Variants in NPAS2 observed in about 807,000 individuals in gnomAD.
NPAS2 encodes the protein neuronal PAS domain protein 2, also known as neuronal PAS domain-containing protein 2.
A neutral mutation model predicts 107.5 loss-of-function variants in NPAS2; 23 were observed. The observed-to-expected ratio is 0.21, with a 90% CI of 0.15 to 0.30. NPAS2 has a LOEUF of 0.30. Among genes scored for constraint, NPAS2 ranks in the 10% least tolerant of loss-of-function variants. The pLI, the probability that NPAS2 is intolerant of heterozygous loss-of-function variation, is 1.00. For missense variants in NPAS2, 756 were observed against 1,043.3 expected, an observed-to-expected ratio of 0.72 and a Z score of 3.79; for synonymous variants, 403 against 417.5, an observed-to-expected ratio of 0.97 and a Z score of 0.42.
intron 2 of NPAS2, among the ~76,000 whole-genome samples, chr2:100,924,540 TAA>T: frequency 6.6e-6 from 1 of 152,240 alleles, no homozygotes; most frequent in East Asian, 1.9e-4. Flanking sequence ...CATGTCATTT[TAA>T]AAAGTGTTCG....
chr2:100,900,354 C>T (rs1478043859), intron 1 of NPAS2, among the ~76,000 whole-genome samples: 5 of 152,158 alleles, frequency 3.3e-5, no homozygotes, highest in African/African-American at 1.2e-4. Context: ...CATTAGTCAT[C>T]AGGGAAATGC....
chr2:100,993,389 C>G lies in NPAS2; in HGVS notation c.2154C>G (p.His718Gln). ...SQTVFQNPDAHPANSSSAPMP... is the reference protein window; with the variant it reads ...SQTVFQNPDAQPANSSSAPMP... Reference sequence around the variant, plus strand: ...CCGTGTTTCAAAATCCAGACGCACACCCCGCCAACAGCAGCAGCGCCCCGA... The same window carrying G: ...CCGTGTTTCAAAATCCAGACGCACAGCCCGCCAACAGCAGCAGCGCCCCGA... Residue 718 changes from histidine (H) to glutamine (Q), a missense_variant, in exon 20 of 21, where the codon CAC becomes CAG. Physicochemically the swap from His to Gln is conservative, Grantham distance 24 (BLOSUM62 0). Around this residue, in one of 4 missense-constraint regions of NPAS2, gnomAD observed 496 missense variants for 594.4 expected, o/e 0.83. Coordinates refer to ENST00000335681, the MANE Select transcript of NPAS2 (RefSeq NM_002518.4). 6.2e-7 allele frequency: 1 copy of G among 1,609,664 alleles called. No homozygotes were observed. The highest frequency in any genetic ancestry group is 8.5e-7 in the Non-Finnish European group (1 of 1,176,860).
intron 1 of NPAS2, among the ~76,000 whole-genome samples, chr2:100,892,669 T>G (rs1482874777): frequency 2.0e-5 from 3 of 152,220 alleles, no homozygotes; most frequent in Admixed American, 6.5e-5. Flanking sequence ...TTGCAGGAGC[T>G]GCCGGCTCTC....
intron 1 of NPAS2, among the ~76,000 whole-genome samples, chr2:100,821,412 C>T (rs1457763320): frequency 6.6e-6 from 1 of 151,988 alleles, no homozygotes; most frequent in African/African-American, 2.4e-5. Flanking sequence ...CGTCTTTACG[C>T]GTTGCTTTGG....
intron 1 of NPAS2, among the ~76,000 whole-genome samples, chr2:100,871,176 G>A (rs1367709488): frequency 6.6e-6 from 1 of 152,134 alleles, no homozygotes; most frequent in East Asian, 1.9e-4. Flanking sequence ...TTGGAACACA[G>A]CCACACCCGT....
At chr2:100,876,235 C>T (rs1271646051) in intron 1 of NPAS2, among the ~76,000 whole-genome samples, 1 of 152,220 alleles carries the variant, frequency 6.6e-6, no homozygotes, top group African/African-American at 2.4e-5. Context: ...AGCAACCTTT[C>T]TCCAGGGTGA....
chr2:100,959,426 A>G (rs1675794219), intron 7 of NPAS2, among the ~76,000 whole-genome samples: 1 of 152,232 alleles, frequency 6.6e-6, no homozygotes, highest in Non-Finnish European at 1.5e-5. Flanking sequence ...GCCCCTGCCA[A>G]GAAGTGGGCA....
chr2:100,932,691 T>C (rs1684037463), intron 3 of NPAS2, among the ~76,000 whole-genome samples: 1 of 151,172 alleles, frequency 6.6e-6, no homozygotes, highest in African/African-American at 2.5e-5. Flanking sequence ...ATAGAGAAGG[T>C]GGGGGATGCA....
chr2:100,946,666 G>A (rs1462541602), intron 5 of NPAS2, among the ~76,000 whole-genome samples: 2 of 152,206 alleles, frequency 1.3e-5, no homozygotes, highest in African/African-American at 2.4e-5. Context: ...TCTGTTATGA[G>A]GCTCCTCTGA....
chr2:100,927,142 G>C (rs952280360), intron 3 of NPAS2, among the ~76,000 whole-genome samples: 1 of 151,836 alleles, frequency 6.6e-6, no homozygotes, highest in African/African-American at 2.4e-5. Flanking sequence ...CACCATGTTA[G>C]CCAGGATAGT....
intron 1 of NPAS2, among the ~76,000 whole-genome samples, chr2:100,871,004 G>C (rs1230389130): frequency 6.6e-6 from 1 of 152,142 alleles, no homozygotes; most frequent in African/African-American, 2.4e-5. Context: ...ACGCTGTTCT[G>C]ACAGCCTTCT....
chr2:100,819,464 C>A (rs1008518308), upstream of NPAS2, among the ~76,000 whole-genome samples: 3 of 152,180 alleles, frequency 2.0e-5, no homozygotes, highest in Admixed American at 2.0e-4. The surrounding 1 kb of genome is among the most constrained non-coding windows in gnomAD (Gnocchi z 5.8). Flanking sequence ...TCTTCCCCGA[C>A]CCCCGCCTCC....
Position 100,965,592 on chromosome 2 carries a change from A to G in NPAS2, c.801-68A>G. 2 of 969,014 alleles carry G rather than the reference A, an allele frequency of 2.1e-6. No homozygotes were observed. The highest frequency in any genetic ancestry group is 3.2e-6 in the Non-Finnish European group (2 of 616,670). The allele number at this position is 969,014 out of a possible 1,614,324, so 60.0% of individuals were successfully genotyped here. ...TCCATGTTGATCATTATGGAAAGGC[A>G]TGGCCACCAGGGTGAGCCCTGCAGG... On this transcript the variant is annotated intron_variant, in intron 9 of 20. Coordinates refer to ENST00000335681, the MANE Select transcript of NPAS2 (RefSeq NM_002518.4). This position sits in a 1 kb window ranked among gnomAD's most constrained non-coding sequence, Gnocchi z 4.3.
At chr2:100,979,503 T>TATATATATATATATATATA (rs1491089539) in intron 15 of NPAS2, among the ~76,000 whole-genome samples, 2 of 39,592 alleles carry the variant, frequency 5.1e-5, no homozygotes, top group Admixed American at 3.5e-4. Flanking sequence ...TATATATATA[T>TATATATATATATATATATA]TTTTTTTTTT....
At chr2:100,940,460 C>T (rs531738449) in intron 5 of NPAS2, among the ~76,000 whole-genome samples, 193 of 152,332 alleles carry the variant, frequency 1.3e-3, no homozygotes, top group Admixed American at 3.6e-3. Context: ...GGTTGTCTTT[C>T]CTTTTGCAAT....
intron 2 of NPAS2, among the ~76,000 whole-genome samples, chr2:100,917,505 G>A (rs1682961656): frequency 6.6e-6 from 1 of 152,114 alleles, no homozygotes; most frequent in Non-Finnish European, 1.5e-5. Flanking sequence ...TTCAGCCTGG[G>A]TGACAAGAGC....
intron 1 of NPAS2, among the ~76,000 whole-genome samples, chr2:100,832,989 G>A (rs57365275): frequency 0.044 from 6,702 of 152,218 alleles, 391 homozygotes; most frequent in East Asian, 0.3. Flanking sequence ...GGCGATGTCT[G>A]TGTTTTCTAA....
chr2:100,842,081 G>GCGCGCGCGCGCACACACACA, intron 1 of NPAS2, among the ~76,000 whole-genome samples: 53 of 148,902 alleles, frequency 3.6e-4, no homozygotes, highest in East Asian at 7.9e-4. Flanking sequence ...GCATGTACGC[G>GCGCGCGCGCGCACACACACA]CACACACACA....
chr2:100,964,951 A>G lies in NPAS2; in HGVS notation c.800+8A>G. 1 of 1,553,298 alleles carries G rather than the reference A, an allele frequency of 6.4e-7. No homozygotes were observed. The highest frequency in any genetic ancestry group is 8.6e-7 in the Non-Finnish European group (1 of 1,157,180). ...TTTATTTCTGGATCACAGGTTTGAG[A>G]AAAGAAAAACATATTTGGGTTGGGC... On this transcript the variant is annotated splice_region_variant and intron_variant, in intron 9 of 20. Transcript: ENST00000335681.
Sources: allele counts gnomAD v4.1 joint callset (sites outside exome capture counted in the v4.1 genomes callset), GRCh38; gene constraint gnomAD v4.1.1; regional missense constraint gnomAD v4.1.1; non-coding constraint Gnocchi (gnomAD v3.1); transcripts MANE v1.5; gene names NCBI Gene and HGNC (gene_info 2026-07-23, HGNC 2026-07-21).